The following ATP6V1B2 variants were observed in gnomAD, a reference collection of about 807,000 sequenced individuals.
The protein encoded by ATP6V1B2 is ATPase H+ transporting V1 subunit B2.
ATP6V1B2 carries 23 observed loss-of-function variants against 66.7 expected under a neutral mutation model. The observed-to-expected ratio is 0.34, with a 90% CI of 0.25 to 0.49. The LOEUF is 0.49. ATP6V1B2 is among the 20% of genes least tolerant of loss of function. ATP6V1B2 has a pLI of 0.99. For missense variants in ATP6V1B2, 478 were observed against 650.8 expected (o/e 0.73, Z 2.89); for synonymous variants, 278 against 236.7 (o/e 1.17, Z -1.60).
At chr8:20,218,368 G>T in intron 13 of ATP6V1B2, 86 bp downstream of exon 13, 2 of 1,527,994 alleles carry the variant, frequency 1.3e-6, no homozygotes, top group East Asian at 2.3e-5. Context: ...ATTCTCATTG[G>T]TTTCTATATA....
intron 1 of ATP6V1B2, among the ~76,000 whole-genome samples, chr8:20,201,888 G>C: frequency 6.6e-6 from 1 of 151,934 alleles, no homozygotes; most frequent in East Asian, 2.0e-4. Flanking sequence ...AAGAGTCCCA[G>C]GGTGGTTCAG....
At chr8:20,216,769 A>G (rs928935602) in intron 11 of ATP6V1B2, 5 of 309,236 alleles carry the variant, frequency 1.6e-5, no homozygotes, top group African/African-American at 2.2e-5. Context: ...CCATAATGGT[A>G]TCATCTACCA....
At position 20,217,350 on chromosome 8, in the gene ATP6V1B2, G is replaced by A; in HGVS notation, c.1266+26G>A. The stretch of plus-strand genomic sequence containing the variant: ...GTATGTACATTCTTCTAAGAATGGT[G>A]TTTGAAAATATGGATACGTTTCTGC... On this transcript the variant is annotated intron_variant, in intron 12 of 13. Transcript: ENST00000276390. 2.6e-6 allele frequency: 4 copies of A among 1,560,632 alleles called. No individual in the cohort carries two copies. The African/African-American group carries it at 5.4e-5, about 21-fold the overall frequency.
At chr8:20,213,195 T>C (rs1471519675) in intron 9 of ATP6V1B2, 1 of 346,864 alleles carries the variant, frequency 2.9e-6, no homozygotes. Context: ...ATTCAGTTAC[T>C]CTCTCGGGAA....
In ATP6V1B2 at chr8:20,220,412, C is replaced by T. The variant is rs774744191; in HGVS notation, c.*10C>T. On this transcript the variant is annotated 3_prime_UTR_variant, in exon 14 of 14. Transcript: ENST00000276390. ...CTCTGCAAAGCATTAGCTGCTGCTT[C>T]TGCATTGCTCCGCGCTCTTGTGAAA... 3 of 1,559,270 alleles carry T rather than the reference C, an allele frequency of 1.9e-6. No homozygotes were observed. In the African/African-American group the frequency reaches 4.2e-5, roughly 22 times the overall value.
chr8:20,201,417 C>G lies in ATP6V1B2; in HGVS notation c.137-3067C>G, dbSNP rs549403341. Among the ~76,000 whole-genome samples, 265 of 152,280 alleles carry G rather than the reference C, an allele frequency of 1.7e-3. 1 individual carries two copies. The highest frequency in any genetic ancestry group is 6.0e-3 in the African/African-American group (248 of 41,552). On this transcript the variant is annotated intron_variant, in intron 1 of 13. Transcript: ENST00000276390. ...TAATGGTGAGGAAGGCTGGATAAATCTAGAGATAAAAGGTAGTGTTTGTTA... is the reference window on the plus strand; with the variant it reads ...TAATGGTGAGGAAGGCTGGATAAATGTAGAGATAAAAGGTAGTGTTTGTTA...
At chr8:20,209,557 T>C (rs768998555) in intron 3 of ATP6V1B2, 26 bp downstream of exon 3, 10 of 1,588,682 alleles carry the variant, frequency 6.3e-6, no homozygotes, top group Middle Eastern at 1.7e-4. Flanking sequence ...CCAGCTGAAC[T>C]GTTTCCTAGT....
intron 2 of ATP6V1B2, 45 bp from the exon 3 acceptor site, chr8:20,209,388 G>A (rs2072770834): frequency 2.6e-6 from 4 of 1,563,756 alleles, no homozygotes; most frequent in Non-Finnish European, 1.8e-6. Context: ...AATTTGGGGG[G>A]CTTGTAAAAT....
At chr8:20,204,138 A>G in intron 1 of ATP6V1B2, 1 of 396,712 alleles carries the variant, frequency 2.5e-6, no homozygotes, top group Admixed American at 3.3e-5. Context: ...TGCAGGCCAT[A>G]GTTAGAGCCC....
intron 12 of ATP6V1B2, among the ~76,000 whole-genome samples, chr8:20,217,924 G>A (rs561729202): frequency 8.2e-4 from 125 of 152,246 alleles, no homozygotes; most frequent in Middle Eastern, 3.4e-3. Flanking sequence ...GAAGAAGTGT[G>A]CGTTTTGTAG....
chr8:20,215,646 G>C (rs911268364), intron 10 of ATP6V1B2: 4 of 152,196 alleles, frequency 2.6e-5, no homozygotes, highest in African/African-American at 9.7e-5. Context: ...TGAGGCACAG[G>C]GAGGTCAAAT....
chr8:20,213,706 T>A (rs149527931), intron 9 of ATP6V1B2: 1 of 152,134 alleles, frequency 6.6e-6, no homozygotes, highest in Non-Finnish European at 1.5e-5. Flanking sequence ...TGTTCAGTAA[T>A]ACAAATTACT....
At chr8:20,203,454 G>A (rs1022779924) in intron 1 of ATP6V1B2, among the ~76,000 whole-genome samples, 1 of 152,202 alleles carries the variant, frequency 6.6e-6, no homozygotes, top group African/African-American at 2.4e-5. Flanking sequence ...ATGCTTGGGA[G>A]TCCACATCTG....
At chr8:20,207,215 A>G (rs2072747490) in intron 2 of ATP6V1B2, among the ~76,000 whole-genome samples, 1 of 152,212 alleles carries the variant, frequency 6.6e-6, no homozygotes, top group Non-Finnish European at 1.5e-5. Context: ...ATTAAAAATG[A>G]GGATTTGGTT....
Position 20,216,077 on chromosome 8 carries a change from CT to C in ATP6V1B2, c.1079-335del, listed in dbSNP as rs533260718. The C allele has an allele frequency of 4.8e-5, 8 of 167,180 alleles. No individual in the cohort carries two copies. The South Asian group carries it at 1.4e-3, about 29-fold the overall frequency. 10.4% of individuals were successfully genotyped at this position (167,180 alleles called of 1,614,324 possible). A position where few individuals can be genotyped will look rare whatever the true frequency, so the allele number is the denominator to read the frequency against. On this transcript the variant is annotated intron_variant, in intron 10 of 13. Transcript: ENST00000276390. ...CCTCATAGAGCCAACACATGTCTAACTGCTGCAACCAAACTAAACTGGCCAG... is the reference window on the plus strand; with the variant it reads ...CCTCATAGAGCCAACACATGTCTAACGCTGCAACCAAACTAAACTGGCCAG...
intron 1 of ATP6V1B2, among the ~76,000 whole-genome samples, chr8:20,201,597 A>C (rs926288349): frequency 4.6e-5 from 7 of 152,158 alleles, no homozygotes; most frequent in African/African-American, 1.7e-4. Flanking sequence ...AAGGCCAGAA[A>C]TATTATAAGG....
At chr8:20,219,127 A>G (rs1043406134) in intron 13 of ATP6V1B2, among the ~76,000 whole-genome samples, 5 of 152,158 alleles carry the variant, frequency 3.3e-5, no homozygotes, top group East Asian at 1.9e-4. Context: ...AAACTTTAAT[A>G]TGCTTTTGAA....
rs17856874 is a variant in ATP6V1B2 at position 20,197,492 on chromosome 8, G to C, written c.86G>C (p.Arg29Pro). Reference sequence around the variant, plus strand: ...ACCGGTGGGCCGGCGGTGGGAGCTCGGGAGCAGGCGCTGGCAGTCAGTCGG... The same window carrying C: ...ACCGGTGGGCCGGCGGTGGGAGCTCCGGAGCAGGCGCTGGCAGTCAGTCGG... ...VPTGGPAVGA[R>P]EQALAVSRNY... is the part of the protein sequence containing the mutation. The change falls in exon 1 of 14, where the codon CGG becomes CCG. Residue 29 changes from arginine (R) to proline (P), a missense_variant. This residue lies in a region of ATP6V1B2 where 152 missense variants were observed against 105.2 expected (regional missense o/e 1.44). Coordinates refer to ENST00000276390, the MANE Select transcript of ATP6V1B2 (RefSeq NM_001693.4). 1.3e-6 allele frequency: 2 copies of C among 1,499,936 alleles called. No individual in the cohort carries two copies. The highest frequency in any genetic ancestry group is 1.8e-6 in the Non-Finnish European group (2 of 1,123,782). 92.9% of individuals were successfully genotyped at this position (1,499,936 alleles called of 1,614,324 possible).
intron 1 of ATP6V1B2, among the ~76,000 whole-genome samples, chr8:20,202,676 A>G (rs2072699505): frequency 6.6e-6 from 1 of 152,246 alleles, no homozygotes; most frequent in Non-Finnish European, 1.5e-5. Context: ...AATTTTAAAC[A>G]TGAGATTCTA....
Sources: gnomAD v4.1 joint callset for allele counts (sites outside exome capture counted in the v4.1 genomes callset) on GRCh38, gnomAD v4.1.1 for gene constraint, gnomAD v4.1.1 regional missense constraint, MANE v1.5 for transcripts, NCBI Gene and HGNC (gene_info 2026-07-23, HGNC 2026-07-21) for gene names.